Variants in ARPP21 observed in about 807,000 individuals in gnomAD.
The protein encoded by ARPP21 is cAMP-regulated phosphoprotein 21.
In ARPP21, 69 loss-of-function variants were observed where a neutral mutation model predicts 113.2. The observed-to-expected ratio is 0.61, with a 90% CI of 0.50 to 0.74. The LOEUF is 0.74. Ranked by LOEUF, ARPP21 falls within the 30% of genes least tolerant of loss-of-function variation. The pLI is 0.00. For synonymous variants in ARPP21, 368 were observed against 375.5 expected, an observed-to-expected ratio of 0.98 and a Z score of 0.23; for missense variants, 1,070 against 1,037.4, an observed-to-expected ratio of 1.03 and a Z score of -0.43.
intron 15 of ARPP21, among the ~76,000 whole-genome samples, chr3:35,733,808 G>C (rs2094161609): frequency 6.6e-6 from 1 of 152,078 alleles, no homozygotes; most frequent in Non-Finnish European, 1.5e-5. Flanking sequence ...CTTTCCAGAA[G>C]AACCTGCCAT....
rs1576242033 is a variant in ARPP21, at chr3:35,717,154, T to C, written c.936-144T>C. 4 of 542,398 alleles carry C rather than the reference T, an allele frequency of 7.4e-6. No homozygotes were observed. The East Asian group carries it at 1.1e-4, about 16-fold the overall frequency. 33.6% of individuals were successfully genotyped at this position (542,398 alleles called of 1,614,324 possible). On this transcript the variant is annotated intron_variant, in intron 12 of 20. Coordinates refer to ENST00000684406, the MANE Select transcript of ARPP21 (RefSeq NM_001385562.1). ...CTTAATCCTATCCTATGGGCATTAA[T>C]TTATTATGGCAAAATTCAACATCAT...
chr3:35,729,519 T>G lies in ARPP21; in HGVS notation c.1442T>G (p.Leu481Arg), dbSNP rs1214649286. ...AATGIPPGSILLNPHTGQPFV... is the reference protein window; with the variant it reads ...AATGIPPGSIRLNPHTGQPFV... ...ACAGGCATCCCGCCTGGAAGCATCC[T>G]TCTTAATCCACACACAGGTGAGTTA... Residue 481 changes from leucine to arginine, a missense_variant, in exon 15 of 21, where the codon CTT becomes CGT. By Grantham distance (102) the Leu-to-Arg change is moderately radical. Coordinates refer to ENST00000684406, the MANE Select transcript of ARPP21 (RefSeq NM_001385562.1). 2.5e-6 allele frequency: 4 copies of G among 1,614,150 alleles called. No homozygotes were observed. Among genetic ancestry groups the G allele is most frequent in the African/African-American group, 1.3e-5 (1 of 75,064 alleles).
At chr3:35,780,515 A>C (rs1026466393) in intron 19 of ARPP21, among the ~76,000 whole-genome samples, 3 of 152,120 alleles carry the variant, frequency 2.0e-5, no homozygotes, top group Admixed American at 2.0e-4. Flanking sequence ...CAATGAACTA[A>C]GAGAGTAGAG....
chr3:35,733,238 T>TA (rs1323868960), intron 15 of ARPP21, among the ~76,000 whole-genome samples: 2 of 152,078 alleles, frequency 1.3e-5, no homozygotes, highest in African/African-American at 4.8e-5. Context: ...GGCAAGGTCT[T>TA]AGGCACTGTG....
Position 35,716,491 on chromosome 3 carries a change from C to A in ARPP21, c.936-807C>A, listed in dbSNP as rs1168615446. ...AAACCCCTTAATAGAATAACCTCTTCAGAAGAAGAGATAAAATTGAGAAAC... is the reference window on the plus strand; with the variant it reads ...AAACCCCTTAATAGAATAACCTCTTAAGAAGAAGAGATAAAATTGAGAAAC... On this transcript the variant is annotated intron_variant, in intron 12 of 20. Coordinates refer to ENST00000684406, the MANE Select transcript of ARPP21 (RefSeq NM_001385562.1). Among the ~76,000 whole-genome samples, 3 of 152,032 alleles carry A rather than the reference C, an allele frequency of 2.0e-5. No homozygotes were observed. The East Asian group carries it at 5.8e-4, about 29-fold the overall frequency.
chr3:35,656,942 A>G (rs1356564899), intron 1 of ARPP21, among the ~76,000 whole-genome samples: 1 of 152,084 alleles, frequency 6.6e-6, no homozygotes, highest in Non-Finnish European at 1.5e-5. Flanking sequence ...AACAAAATAG[A>G]TAAGAAGATA....
intron 19 of ARPP21, 84 bp downstream of exon 19, chr3:35,744,049 C>G: frequency 6.2e-6 from 9 of 1,455,200 alleles, no homozygotes; most frequent in Non-Finnish European, 8.6e-6. Context: ...AGTGTCCAAG[C>G]TTGGCAATTT....
chr3:35,772,487 T>C (rs183287924), intron 19 of ARPP21, among the ~76,000 whole-genome samples: 3 of 152,304 alleles, frequency 2.0e-5, no homozygotes, highest in Admixed American at 6.5e-5. Context: ...TGAGCTGATA[T>C]TCAGTTTGCT....
At chr3:35,769,650 T>C (rs909748677) in intron 19 of ARPP21, among the ~76,000 whole-genome samples, 50 of 152,164 alleles carry the variant, frequency 3.3e-4, no homozygotes, top group Non-Finnish European at 7.2e-4. Flanking sequence ...AGAATAATAA[T>C]TTGTCAGACT....
chr3:35,715,589 G>A (rs2092272646), intron 12 of ARPP21, 113 bp downstream of exon 12: 4 of 807,754 alleles, frequency 5.0e-6, no homozygotes, highest in Middle Eastern at 2.6e-4. Context: ...ATATGTATTA[G>A]CAGATACATA....
At chr3:35,768,323 T>C (rs1040835787) in intron 19 of ARPP21, among the ~76,000 whole-genome samples, 6 of 152,072 alleles carry the variant, frequency 3.9e-5, no homozygotes, top group Non-Finnish European at 8.8e-5. Context: ...CCAGGATAGA[T>C]TCAGCTGGCA....
chr3:35,692,478 T>C (rs576902501), intron 9 of ARPP21, among the ~76,000 whole-genome samples: 5 of 151,822 alleles, frequency 3.3e-5, no homozygotes, highest in African/African-American at 9.6e-5. Flanking sequence ...GACTACTTCC[T>C]TTTAATTTTT....
At chr3:35,672,357 T>A (rs1406179515) in intron 1 of ARPP21, among the ~76,000 whole-genome samples, 1 of 152,068 alleles carries the variant, frequency 6.6e-6, no homozygotes, top group African/African-American at 2.4e-5. Context: ...CTTCATGAGA[T>A]CCAAACCTCC....
chr3:35,737,465 C>T, intron 16 of ARPP21, 103 bp downstream of exon 16: 1 of 696,388 alleles, frequency 1.4e-6, no homozygotes, highest in East Asian at 2.9e-5. Context: ...ATTTTACACT[C>T]AAGCCTCACA....
At chr3:35,687,213 A>C (rs1237565550) in intron 5 of ARPP21, among the ~76,000 whole-genome samples, 1 of 151,376 alleles carries the variant, frequency 6.6e-6, no homozygotes, top group Non-Finnish European at 1.5e-5. Flanking sequence ...AGTAGTAGAA[A>C]TCATTGTTGA....
intron 19 of ARPP21, among the ~76,000 whole-genome samples, chr3:35,754,556 ATTAT>A (rs2095509492): frequency 6.6e-6 from 1 of 152,022 alleles, no homozygotes; most frequent in Non-Finnish European, 1.5e-5. Flanking sequence ...AATTGGTCTA[ATTAT>A]TCCATTTACA....
intron 19 of ARPP21, chr3:35,785,125 C>T (rs2096602429): frequency 6.6e-6 from 1 of 152,152 alleles, no homozygotes; most frequent in African/African-American, 2.4e-5. Context: ...TTGCCCCAAG[C>T]TTGGTCTGGG....
At chr3:35,716,405 G>C (rs1158298417) in intron 12 of ARPP21, among the ~76,000 whole-genome samples, 4 of 152,154 alleles carry the variant, frequency 2.6e-5, no homozygotes, top group African/African-American at 9.6e-5. Flanking sequence ...CATTAAAGAT[G>C]ATTGGCTTAA....
rs2081551470 is a variant in ARPP21 at position 35,689,294 on chromosome 3, C to T, written c.407-13C>T. The T allele has an allele frequency of 1.5e-6, 2 of 1,347,656 alleles. No individual in the cohort carries two copies. The allele number at this position is 1,347,656 out of a possible 1,614,324, so 83.5% of individuals were successfully genotyped here. A position where few individuals can be genotyped will look rare whatever the true frequency, so the allele number is the denominator to read the frequency against. On this transcript the variant is annotated splice_polypyrimidine_tract_variant and intron_variant, in intron 6 of 20. Transcript: ENST00000684406. ...CATCATTCCTGACAGCTCCGTCCTG[C>T]TATTTGTTTCAGATTGCAGCCAAGA...
Sources: gnomAD v4.1 joint callset for allele counts (sites outside exome capture counted in the v4.1 genomes callset) on GRCh38, gnomAD v4.1.1 for gene constraint, MANE v1.5 for transcripts, NCBI Gene and HGNC (gene_info 2026-07-23, HGNC 2026-07-21) for gene names.